SEMA5A: variants seen among roughly 807,000 people sequenced by gnomAD.
The protein encoded by SEMA5A is semaphorin-5A.
SEMA5A carries 55 observed loss-of-function variants against 135.5 expected under a neutral mutation model. The ratio of observed to expected loss-of-function variants is 0.41; its 90% confidence interval spans 0.33 to 0.51. The LOEUF is 0.51. Ranked by LOEUF, SEMA5A falls within the 20% of genes least tolerant of loss-of-function variation. The probability of loss-of-function intolerance (pLI) is 0.37; values close to 1 mark genes in which losing one functional copy is unlikely to be tolerated. For synonymous variants in SEMA5A, 580 were observed against 546.5 expected (o/e 1.06, Z -0.85); for missense variants, 1,290 against 1,419.9 (o/e 0.91, Z 1.47).
At chr5:9,386,808 C>A (rs1168787893) in intron 2 of SEMA5A, among the ~76,000 whole-genome samples, 1 of 152,180 alleles carries the variant, frequency 6.6e-6, no homozygotes, top group Admixed American at 6.5e-5. Context: ...TGTATGTGCT[C>A]CAACATGCTG....
chr5:9,226,996 AATAT>A, intron 6 of SEMA5A, 29 bp from the exon 7 acceptor site: 2 of 1,059,262 alleles, frequency 1.9e-6, no homozygotes, highest in Non-Finnish European at 1.3e-6. Context: ...ATTAATTAAA[AATAT>A]ATATATATAT....
rs1467788905 is a variant in SEMA5A, at chr5:9,341,671, ATAT to A, written c.125-3862_125-3860del. On this transcript the variant is annotated intron_variant, in intron 3 of 22. Coordinates refer to ENST00000382496, the MANE Select transcript of SEMA5A (RefSeq NM_003966.3). The stretch of plus-strand genomic sequence containing the variant: ...TATATATATATAATATATATAATAT[ATAT>A]TATATATATATAAAATTGGAAGTTA... Among the ~76,000 whole-genome samples the A allele has an allele frequency of 4.2e-3, 326 of 78,088 alleles. 2 individuals are homozygous for A. Among genetic ancestry groups the A allele is most frequent in the South Asian group, 0.013 (25 of 1,852 alleles). 51.2% of individuals were successfully genotyped at this position (78,088 alleles called of 152,430 possible). A position where few individuals can be genotyped will look rare whatever the true frequency, so the allele number is the denominator to read the frequency against.
rs548581448 is a variant in SEMA5A, at chr5:9,039,088, C to G, written c.*3809G>C. On this transcript the variant is annotated 3_prime_UTR_variant, in exon 23 of 23. Coordinates refer to ENST00000382496, the MANE Select transcript of SEMA5A (RefSeq NM_003966.3). The stretch of plus-strand genomic sequence containing the variant: ...TCTACCAGAGACTCCAGTGGGAACA[C>G]TCAGCAAAATAGGCTTTGACTCCCA... 1 of 152,354 alleles carries G rather than the reference C, an allele frequency of 6.6e-6. No homozygotes were observed. Among genetic ancestry groups the G allele is most frequent in the Admixed American group, 6.5e-5 (1 of 15,296 alleles). The allele number at this position is 152,354 out of a possible 1,614,324, so 9.4% of individuals were successfully genotyped here.
chr5:9,467,311 A>G (rs1759298550), intron 1 of SEMA5A, among the ~76,000 whole-genome samples: 1 of 151,938 alleles, frequency 6.6e-6, no homozygotes, highest in Non-Finnish European at 1.5e-5. Flanking sequence ...ACGGGGTTTC[A>G]CCATCTTGGC....
At chr5:9,174,196 C>T (rs1030062308) in intron 11 of SEMA5A, among the ~76,000 whole-genome samples, 1 of 152,220 alleles carries the variant, frequency 6.6e-6, no homozygotes, top group African/African-American at 2.4e-5. Context: ...CTGTAAATTA[C>T]AGCTTACTGC....
Position 9,190,488 on chromosome 5 carries a change from G to T in SEMA5A, c.1069-17C>A. 6.2e-7 allele frequency: 1 copy of T among 1,610,798 alleles called. No homozygotes were observed. Among genetic ancestry groups the T allele is most frequent in the Non-Finnish European group, 8.5e-7 (1 of 1,179,216 alleles). On this transcript the variant is annotated splice_polypyrimidine_tract_variant and intron_variant, in intron 10 of 22. Transcript: ENST00000382496. ...GGTGCCACACTGAAAGGGAAGACGGGCCAGGTTACCAGAGCCGGCAGCCTG... is the reference window on the plus strand; with the variant it reads ...GGTGCCACACTGAAAGGGAAGACGGTCCAGGTTACCAGAGCCGGCAGCCTG...
At chr5:9,468,564 A>G (rs139390233) in intron 1 of SEMA5A, among the ~76,000 whole-genome samples, 87 of 99,060 alleles carry the variant, frequency 8.8e-4, no homozygotes, top group African/African-American at 3.0e-3. Flanking sequence ...TCCTAGTACT[A>G]TAAGTGATTT....
At chr5:9,207,462 G>A (rs1746094959) in intron 8 of SEMA5A, among the ~76,000 whole-genome samples, 1 of 152,120 alleles carries the variant, frequency 6.6e-6, no homozygotes, top group Non-Finnish European at 1.5e-5. Context: ...TGGGATTATA[G>A]GCATGAGCCA....
intron 16 of SEMA5A, among the ~76,000 whole-genome samples, chr5:9,078,597 A>G (rs1440179251): frequency 2.6e-5 from 4 of 152,020 alleles, no homozygotes; most frequent in Non-Finnish European, 5.9e-5. Flanking sequence ...ACACACACAC[A>G]CACACACACA....
At chr5:9,368,526 C>CA in intron 3 of SEMA5A, among the ~76,000 whole-genome samples, 1 of 152,296 alleles carries the variant, frequency 6.6e-6, no homozygotes, top group South Asian at 2.1e-4. Flanking sequence ...TGCAGCAACT[C>CA]AAAAAATCTC....
In SEMA5A at chr5:9,259,656, G is replaced by A. The variant is rs377340177; in HGVS notation, c.271-21766C>T. On this transcript the variant is annotated intron_variant, in intron 5 of 22. Coordinates refer to ENST00000382496, the MANE Select transcript of SEMA5A (RefSeq NM_003966.3). ...CCTGAATGACTACTGGGTACATAAC[G>A]AAATGAAGGCAGAAATAAAGATGTT... Among the ~76,000 whole-genome samples, 23 of 151,484 alleles carry A rather than the reference G, an allele frequency of 1.5e-4. No individual in the cohort carries two copies. In the East Asian group the frequency reaches 2.5e-3, roughly 17 times the overall value.
intron 1 of SEMA5A, among the ~76,000 whole-genome samples, chr5:9,471,907 G>A (rs567364159): frequency 6.6e-6 from 1 of 152,336 alleles, no homozygotes; most frequent in East Asian, 1.9e-4. Context: ...ATGCAGAAAA[G>A]TAGAAAAAGT....
intron 1 of SEMA5A, among the ~76,000 whole-genome samples, chr5:9,541,012 T>C (rs1192504735): frequency 1.3e-5 from 2 of 152,204 alleles, no homozygotes; most frequent in Admixed American, 1.3e-4. Flanking sequence ...GCAAATTTTT[T>C]CTTAGTTGCT....
In SEMA5A at chr5:9,336,380, T is replaced by C. The variant is rs528884979; in HGVS notation, c.224+1333A>G. 6.7e-4 allele frequency among the ~76,000 whole-genome samples: 102 copies of C among 152,232 alleles called. 1 individual carries two copies. Among genetic ancestry groups the C allele is most frequent in the African/African-American group, 2.3e-3 (97 of 41,522 alleles). ...ACTGAAGGTGGGCATTTTTAAAAGA[T>C]GATGTTGGCTGTGGTATGCAGAAGG... On this transcript the variant is annotated intron_variant, in intron 4 of 22. Coordinates refer to ENST00000382496, the MANE Select transcript of SEMA5A (RefSeq NM_003966.3).
At chr5:9,485,521 G>A (rs1734657636) in intron 1 of SEMA5A, among the ~76,000 whole-genome samples, 1 of 152,146 alleles carries the variant, frequency 6.6e-6, no homozygotes, top group Admixed American at 6.6e-5. Flanking sequence ...ATTAATTGGG[G>A]GAGCATGTTC....
intron 1 of SEMA5A, among the ~76,000 whole-genome samples, chr5:9,529,697 T>G (rs462473): frequency 0.29 from 44,525 of 152,086 alleles, 6,606 homozygotes; most frequent in Non-Finnish European, 0.31. Flanking sequence ...CTCCTAGTAT[T>G]TAAACCCTTA....
rs1313472758 is a variant in SEMA5A, at chr5:9,316,590, T to C, written c.270+1782A>G. Among the ~76,000 whole-genome samples, 6 of 152,326 alleles carry C rather than the reference T, an allele frequency of 3.9e-5. No individual in the cohort carries two copies. In the East Asian group the frequency reaches 1.2e-3, roughly 29 times the overall value. ...TAGTTTCTATCTACTAAACGATATA[T>C]ATTTTAGAAAAGGTTATCTAAAACA... On this transcript the variant is annotated intron_variant, in intron 5 of 22. Transcript: ENST00000382496.
intron 15 of SEMA5A, among the ~76,000 whole-genome samples, chr5:9,113,814 C>T (rs1740370609): frequency 6.6e-6 from 1 of 152,106 alleles, no homozygotes; most frequent in African/African-American, 2.4e-5. Context: ...AAGAAGAATG[C>T]AGAGAAATTG....
At chr5:9,079,991 A>G (rs537574661) in intron 16 of SEMA5A, among the ~76,000 whole-genome samples, 8 of 152,168 alleles carry the variant, frequency 5.3e-5, no homozygotes, top group Non-Finnish European at 1.0e-4. Context: ...CAGTGTAGCG[A>G]CTCCTCAAGG....
Sources: gnomAD v4.1 joint callset for allele counts (sites outside exome capture counted in the v4.1 genomes callset) on GRCh38, gnomAD v4.1.1 for gene constraint, MANE v1.5 for transcripts, NCBI Gene and HGNC (gene_info 2026-07-23, HGNC 2026-07-21) for gene names.